OPRD1: variants seen among roughly 807,000 people sequenced by gnomAD.
OPRD1 encodes delta-type opioid receptor.
Under a neutral mutation model 17.5 loss-of-function variants are expected in OPRD1, and 19 were observed. The observed-to-expected ratio is 1.09, with a 90% CI of 0.76 to 1.60. OPRD1 has a LOEUF of 1.60. Among genes scored for constraint, OPRD1 ranks in the 40% most tolerant of loss-of-function variants. The probability of loss-of-function intolerance (pLI) is 0.00; values close to 1 mark genes in which losing one functional copy is unlikely to be tolerated. For synonymous variants in OPRD1, 256 were observed against 240.9 expected (o/e 1.06, Z -0.58); for missense variants, 483 against 547.2 (o/e 0.88, Z 1.17).
intron 1 of OPRD1, among the ~76,000 whole-genome samples, chr1:28,841,242 C>A (rs1211603415): frequency 6.6e-6 from 1 of 152,208 alleles, no homozygotes; most frequent in Non-Finnish European, 1.5e-5. Context: ...GGGCTGTGAG[C>A]ACATTGTCTC....
chr1:28,848,306 G>C (rs1184020232), intron 1 of OPRD1, among the ~76,000 whole-genome samples: 2 of 152,036 alleles, frequency 1.3e-5, no homozygotes, highest in Non-Finnish European at 2.9e-5. Flanking sequence ...TAGGGCTTCA[G>C]TATATGAATT....
intron 1 of OPRD1, among the ~76,000 whole-genome samples, chr1:28,832,823 G>T (rs2088820641): frequency 6.6e-6 from 1 of 152,178 alleles, no homozygotes; most frequent in Admixed American, 6.5e-5. Flanking sequence ...GAGAGAACAT[G>T]TGTGATGCTC....
In OPRD1 at chr1:28,862,861, T is replaced by C. The variant is rs1311841030; in HGVS notation, c.697T>C (p.Tyr233His). 5 of 1,612,808 alleles carry C rather than the reference T, an allele frequency of 3.1e-6. No homozygotes were observed. The East Asian group carries it at 8.9e-5, about 29-fold the overall frequency. The change falls in exon 3 of 3, where the codon TAT becomes CAT. Residue 233 changes from tyrosine (Y) to histidine (H), a missense_variant. Physicochemically the swap from Tyr to His is moderately conservative, Grantham distance 83. Transcript: ENST00000234961. ...VVPILIITVC[Y>H]GLMLLRLRSV... ...GCCCATCCTCATCATCACCGTGTGC[T>C]ATGGCCTCATGCTGCTGCGCCTGCG...
chr1:28,844,948 G>T (rs2088926939), intron 1 of OPRD1, among the ~76,000 whole-genome samples: 2 of 152,110 alleles, frequency 1.3e-5, no homozygotes, highest in Admixed American at 1.3e-4. Flanking sequence ...GTTTCAGCAT[G>T]TTGGAGAGAC....
chr1:28,858,543 C>A (rs552160832), intron 1 of OPRD1, among the ~76,000 whole-genome samples: 2 of 148,550 alleles, frequency 1.3e-5, no homozygotes, highest in East Asian at 3.9e-4. Context: ...TTGCCCCAAC[C>A]CTTTTTTTTT....
At chr1:28,846,501 A>C in intron 1 of OPRD1, among the ~76,000 whole-genome samples, 1 of 151,888 alleles carries the variant, frequency 6.6e-6, no homozygotes, top group East Asian at 1.9e-4. Flanking sequence ...TGGCCAACAT[A>C]GTGAAACCGC....
intron 1 of OPRD1, among the ~76,000 whole-genome samples, chr1:28,853,897 C>T (rs555150499): frequency 8.6e-5 from 13 of 151,728 alleles, no homozygotes; most frequent in Non-Finnish European, 1.6e-4. Flanking sequence ...CTCACCATCA[C>T]GCCTGGCTAA....
chr1:28,862,709 C>T (rs373910506), intron 2 of OPRD1, 33 bp from the exon 3 acceptor site: 32 of 1,552,292 alleles, frequency 2.1e-5, no homozygotes, highest in African/African-American at 4.1e-5. Flanking sequence ...AGGCCCCTCA[C>T]CCCGTCTGTC....
intron 1 of OPRD1, among the ~76,000 whole-genome samples, chr1:28,836,288 G>A (rs2088852451): frequency 6.6e-6 from 1 of 152,044 alleles, no homozygotes. Context: ...GGCCAAGGCG[G>A]GTGGATCACA....
At chr1:28,828,687 TAAAA>T (rs71027300) in intron 1 of OPRD1, among the ~76,000 whole-genome samples, 2 of 102,308 alleles carry the variant, frequency 2.0e-5, no homozygotes, top group Middle Eastern at 5.4e-3. Context: ...CTCGATCTCT[TAAAA>T]AAAAAAAAAA....
intron 2 of OPRD1, among the ~76,000 whole-genome samples, chr1:28,861,405 T>TGAAGTCTG: frequency 6.6e-6 from 1 of 152,264 alleles, no homozygotes; most frequent in South Asian, 2.1e-4. Context: ...TGAGTTAAGC[T>TGAAGTCTG]GAAGTCTGCT....
chr1:28,860,382 T>C (rs2089102569), intron 2 of OPRD1, among the ~76,000 whole-genome samples: 1 of 151,610 alleles, frequency 6.6e-6, no homozygotes, highest in Non-Finnish European at 1.5e-5. Flanking sequence ...AAAAAAAATT[T>C]ATGGCCCATT....
In OPRD1 at chr1:28,863,325, G is replaced by T; in HGVS notation, c.*42G>T. 7.1e-7 allele frequency: 1 copy of T among 1,405,472 alleles called. No homozygotes were observed. The highest frequency in any genetic ancestry group is 9.2e-7 in the Non-Finnish European group (1 of 1,089,842). 87.1% of individuals were successfully genotyped at this position (1,405,472 alleles called of 1,614,324 possible). A position where few individuals can be genotyped will look rare whatever the true frequency, so the allele number is the denominator to read the frequency against. ...CCAGAGCGCCCCTCCCTAGTGACCC[G>T]GAGGCCACATGAGTCCCAGTGGGAG... On this transcript the variant is annotated 3_prime_UTR_variant, in exon 3 of 3. Transcript: ENST00000234961.
At chr1:28,814,570 C>T (rs746802755) in intron 1 of OPRD1, among the ~76,000 whole-genome samples, 1 of 152,174 alleles carries the variant, frequency 6.6e-6, no homozygotes, top group Non-Finnish European at 1.5e-5. Flanking sequence ...TGGAAAAAGC[C>T]GAGCGTCGGT....
rs750484849 is a variant in OPRD1, at chr1:28,862,836, G to T, written c.672G>T (p.Val224=). 4 of 1,613,162 alleles carry T rather than the reference G, an allele frequency of 2.5e-6. No individual in the cohort carries two copies. The Admixed American group carries it at 6.7e-5, about 27-fold the overall frequency. Residue 224 remains valine (V), a synonymous_variant, in exon 3 of 3, where the codon GTG becomes GTT. Transcript: ENST00000234961. ...GCGTGTTCCTCTTCGCCTTCGTGGT[G>T]CCCATCCTCATCATCACCGTGTGCT... ...KICVFLFAFV[V]PILIITVCYG...
At chr1:28,836,509 CAA>C (rs36110179) in intron 1 of OPRD1, among the ~76,000 whole-genome samples, 1 of 136,026 alleles carries the variant, frequency 7.4e-6, no homozygotes, top group African/African-American at 2.8e-5. Flanking sequence ...GATTCCATCT[CAA>C]AAAAAAAAAA....
At chr1:28,828,687 TAAAAA>T (rs71027300) in intron 1 of OPRD1, among the ~76,000 whole-genome samples, 1 of 102,306 alleles carries the variant, frequency 9.8e-6, no homozygotes, top group Non-Finnish European at 1.9e-5. Context: ...CTCGATCTCT[TAAAAA>T]AAAAAAAAAA....
At chr1:28,861,214 A>G (rs1462687319) in intron 2 of OPRD1, among the ~76,000 whole-genome samples, 1 of 152,058 alleles carries the variant, frequency 6.6e-6, no homozygotes, top group African/African-American at 2.4e-5. Flanking sequence ...CCTCAAGTCC[A>G]TCGTGTGGCT....
At position 28,859,410 on chromosome 1, in the gene OPRD1, C is replaced by T; in HGVS notation, c.577+107C>T. On this transcript the variant is annotated intron_variant, in intron 2 of 2. Coordinates refer to ENST00000234961, the MANE Select transcript of OPRD1 (RefSeq NM_000911.4). ...ACCAGGGTGAGTGTAGGTGGCTCAT[C>T]AGCAGAGGTTGGATTCTGATCAAGA... 1.1e-5 allele frequency: 10 copies of T among 921,890 alleles called. No individual in the cohort carries two copies. In the South Asian group the frequency reaches 1.5e-4, roughly 14 times the overall value. The allele number at this position is 921,890 out of a possible 1,614,324, so 57.1% of individuals were successfully genotyped here. A position where few individuals can be genotyped will look rare whatever the true frequency, so the allele number is the denominator to read the frequency against.
Sources: gnomAD v4.1 joint callset for allele counts (sites outside exome capture counted in the v4.1 genomes callset) on GRCh38, gnomAD v4.1.1 for gene constraint, MANE v1.5 for transcripts, NCBI Gene and HGNC (gene_info 2026-07-23, HGNC 2026-07-21) for gene names.